Variants in LTBP2 observed in about 807,000 individuals in gnomAD.
LTBP2 encodes latent transforming growth factor beta binding protein 2.
Under a neutral mutation model 210.6 loss-of-function variants are expected in LTBP2, and 103 were observed. The ratio of observed to expected loss-of-function variants is 0.49; its 90% CI spans 0.42 to 0.58. The LOEUF (loss-of-function observed/expected upper bound fraction) is 0.58. LTBP2 is among the 20% of genes least tolerant of loss of function. The probability of loss-of-function intolerance (pLI) is 0.00; values close to 1 mark genes in which losing one functional copy is unlikely to be tolerated. For missense variants in LTBP2, 2,313 were observed against 2,494.5 expected (o/e 0.93, Z 1.55); for synonymous variants, 1,007 against 1,015.0 (o/e 0.99, Z 0.15).
chr14:74,513,285 C>G (rs1383577150), intron 18 of LTBP2, among the ~76,000 whole-genome samples: 1 of 152,228 alleles, frequency 6.6e-6, no homozygotes, highest in East Asian at 1.9e-4. Flanking sequence ...TTCCTAGTCT[C>G]TTGTGGTTGG....
At position 74,549,779 on chromosome 14, in the gene LTBP2, T is replaced by C. The variant is rs2196861; in HGVS notation, c.1789+84A>G. On this transcript the variant is annotated intron_variant, in intron 8 of 35. Transcript: ENST00000261978. ...TGTTCTACCTGCCTGGCCTCTGACA[T>C]CCTGGAGGGGAAACCCTGGCAGGAG... 1,132,836 of 1,171,386 alleles carry C rather than the reference T, an allele frequency of 0.97. 550,240 individuals carry two copies. The highest frequency in any genetic ancestry group is 1 in the Non-Finnish European group (773,376 of 776,252). 72.6% of individuals were successfully genotyped at this position (1,171,386 alleles called of 1,614,324 possible).
intron 3 of LTBP2, among the ~76,000 whole-genome samples, chr14:74,559,421 G>GT (rs1252040980): frequency 2.2e-4 from 34 of 152,178 alleles, no homozygotes; most frequent in African/African-American, 7.0e-4. Context: ...GAAGCTCCCA[G>GT]GTTTTTTTAT....
chr14:74,507,833 G>A, intron 25 of LTBP2, 140 bp downstream of exon 25: 1 of 1,144,140 alleles, frequency 8.7e-7, no homozygotes, highest in South Asian at 1.4e-5. Context: ...CAGCCCCTGA[G>A]CCCTGAGTCT....
Position 74,498,466 on chromosome 14 carries a change from T to C in LTBP2, c.*2418A>G, listed in dbSNP as rs1411013596. The C allele has an allele frequency of 4.7e-6, 1 of 214,910 alleles. No homozygotes were observed. The highest frequency in any genetic ancestry group is 5.8e-5 in the Admixed American group (1 of 17,146). The allele number at this position is 214,910 out of a possible 1,614,324, so 13.3% of individuals were successfully genotyped here. The stretch of plus-strand genomic sequence containing the variant: ...GAGGGACTGATTAAATAAATTATGG[T>C]TTATCCATTCAATGGAATAGTATAC... On this transcript the variant is annotated 3_prime_UTR_variant, in exon 36 of 36. Transcript: ENST00000261978.
chr14:74,502,584 C>T (rs1211198364), intron 34 of LTBP2, 69 bp downstream of exon 34: 2 of 1,601,486 alleles, frequency 1.2e-6, no homozygotes, highest in African/African-American at 2.7e-5. Flanking sequence ...ATATGACTAG[C>T]AGGTGGAGGA....
chr14:74,503,452 C>T lies in LTBP2; in HGVS notation c.4720+17G>A, dbSNP rs772227030. The T allele has an allele frequency of 4.3e-6, 7 of 1,609,618 alleles. No individual in the cohort carries two copies. The highest frequency in any genetic ancestry group is 1.7e-5 in the Admixed American group (1 of 59,778). On this transcript the variant is annotated intron_variant, in intron 32 of 35. Transcript: ENST00000261978. ...CAGGTACCCTTCTCCTGCTCCCCCA[C>T]GCTCAGGCCCACTCACCCGTGCTGC...
intron 19 of LTBP2, among the ~76,000 whole-genome samples, chr14:74,510,853 C>T (rs1000831366): frequency 1.6e-4 from 24 of 152,232 alleles, no homozygotes; most frequent in African/African-American, 3.4e-4. Flanking sequence ...CCCCGCTGTG[C>T]GGTGGGCGTG....
intron 3 of LTBP2, among the ~76,000 whole-genome samples, chr14:74,565,438 C>T (rs932923583): frequency 2.0e-5 from 3 of 152,150 alleles, no homozygotes. Context: ...TGGCTGTGGT[C>T]TAGGCTATCA....
At chr14:74,566,453 C>T (rs1233382562) in intron 3 of LTBP2, among the ~76,000 whole-genome samples, 2 of 152,222 alleles carry the variant, frequency 1.3e-5, no homozygotes, top group African/African-American at 4.8e-5. Flanking sequence ...CAGCTCACTT[C>T]AGCTTAACAT....
chr14:74,509,004 A>G (rs1727522933), intron 22 of LTBP2, 52 bp from the exon 23 acceptor site: 1 of 1,608,586 alleles, frequency 6.2e-7, no homozygotes, highest in Non-Finnish European at 8.5e-7. Flanking sequence ...CCTCCCAAGG[A>G]CAGGAGTCAA....
chr14:74,503,575 C>G lies in LTBP2; in HGVS notation c.4614G>C (p.Glu1538Asp), dbSNP rs139665365. The G allele has an allele frequency of 1.5e-5, 24 of 1,613,778 alleles. No homozygotes were observed. The highest frequency in any genetic ancestry group is 2.0e-5 in the Non-Finnish European group (24 of 1,180,020). The change falls in exon 32 of 36, where the codon GAG becomes GAC. Residue 1538 changes from glutamate to aspartate, a missense_variant. This residue lies in a region of LTBP2 where 443 missense variants were observed against 501.4 expected (regional missense o/e 0.88). Transcript: ENST00000261978. ...CCTCCGTGTTGACGCACTCGCCATT[C>G]TCACAGGCCAGGTCCTGGCACTCAT... ...DHDECQDLAC[E>D]NGECVNTEGS... is the part of the protein sequence containing the mutation.
chr14:74,538,890 G>C (rs1236360898), intron 8 of LTBP2, among the ~76,000 whole-genome samples: 1 of 152,248 alleles, frequency 6.6e-6, no homozygotes, highest in East Asian at 1.9e-4. Flanking sequence ...ATGGAAAGAT[G>C]AGAGTGAGGC....
At chr14:74,509,085 G>A (rs1323609832) in intron 22 of LTBP2, 133 bp from the exon 23 acceptor site, 7 of 1,566,448 alleles carry the variant, frequency 4.5e-6, no homozygotes, top group Admixed American at 1.7e-5. Context: ...CCCTCATGAG[G>A]CAGCACAGCT....
At chr14:74,561,321 G>T (rs114349470) in intron 3 of LTBP2, among the ~76,000 whole-genome samples, 2,014 of 149,626 alleles carry the variant, frequency 0.013, 41 homozygotes, top group African/African-American at 0.047. Context: ...CCCTCTCAAA[G>T]AAAAAAAAAG....
intron 28 of LTBP2, 113 bp downstream of exon 28, chr14:74,505,935 A>G (rs2086977255): frequency 5.5e-6 from 8 of 1,449,108 alleles, no homozygotes; most frequent in Admixed American, 1.7e-5. Flanking sequence ...ATGCTGCCCC[A>G]GGCCCTGGCC....
In LTBP2 at chr14:74,586,270, C is replaced by G; in HGVS notation, c.566-152G>C. On this transcript the variant is annotated intron_variant, in intron 2 of 35. Coordinates refer to ENST00000261978, the MANE Select transcript of LTBP2 (RefSeq NM_000428.3). The surrounding 1 kb of genome is among the most constrained non-coding windows in gnomAD (Gnocchi z 4.6). ...TCCTGGCCTCAGGGGGCTCCCTGAC[C>G]CATGTCTCTCCCACCTCCATCCACA... 3.8e-6 allele frequency: 3 copies of G among 796,842 alleles called. No homozygotes were observed. The highest frequency in any genetic ancestry group is 3.9e-6 in the Non-Finnish European group (2 of 507,130). The allele number at this position is 796,842 out of a possible 1,614,324, so 49.4% of individuals were successfully genotyped here.
In LTBP2 at chr14:74,530,195, G is replaced by A. The variant is rs2087331905; in HGVS notation, c.1988-1073C>T. 2.0e-5 allele frequency among the ~76,000 whole-genome samples: 3 copies of A among 152,240 alleles called. No homozygotes were observed. In the South Asian group the frequency reaches 6.2e-4, roughly 31 times the overall value. Reference sequence around the variant, plus strand: ...CCTTGGTCCATATGACTGGAGTGGAGGCTGACGCCTTTCTGGCTGAAGGCT... The same window carrying A: ...CCTTGGTCCATATGACTGGAGTGGAAGCTGACGCCTTTCTGGCTGAAGGCT... On this transcript the variant is annotated intron_variant, in intron 10 of 35. Coordinates refer to ENST00000261978, the MANE Select transcript of LTBP2 (RefSeq NM_000428.3).
chr14:74,540,360 C>G (rs1268269300), intron 8 of LTBP2, among the ~76,000 whole-genome samples: 1 of 152,022 alleles, frequency 6.6e-6, no homozygotes, highest in East Asian at 1.9e-4. Context: ...GTGGTCCTCG[C>G]TACTCAGGAG....
rs2088214609 is a variant in LTBP2, at chr14:74,586,976, C to T, written c.566-858G>A. On this transcript the variant is annotated intron_variant, in intron 2 of 35. Coordinates refer to ENST00000261978, the MANE Select transcript of LTBP2 (RefSeq NM_000428.3). The surrounding 1 kb of genome is among the most constrained non-coding windows in gnomAD (Gnocchi z 4.6). ...GAGGCAAGGTGGAGCTGAAACCAGG[C>T]CCTCCTCCCGGTTAGCCCTATGCAG... 6.6e-6 allele frequency among the ~76,000 whole-genome samples: 1 copy of T among 152,192 alleles called. No homozygotes were observed. Among genetic ancestry groups the T allele is most frequent in the Non-Finnish European group, 1.5e-5 (1 of 68,036 alleles).
Sources: gnomAD v4.1 joint callset for allele counts (sites outside exome capture counted in the v4.1 genomes callset) on GRCh38, gnomAD v4.1.1 for gene constraint, gnomAD v4.1.1 regional missense constraint, Gnocchi (gnomAD v3.1) non-coding constraint, MANE v1.5 for transcripts, NCBI Gene and HGNC (gene_info 2026-07-23, HGNC 2026-07-21) for gene names.